The following TOP2B variants were observed in gnomAD, a reference collection of about 807,000 sequenced individuals.
TOP2B encodes the protein DNA topoisomerase II beta, also known as DNA topoisomerase 2-beta.
Under a neutral mutation model 193.5 loss-of-function variants are expected in TOP2B, and 51 were observed. That is an observed-to-expected ratio of 0.26 (90% confidence interval 0.21 to 0.33). The LOEUF (loss-of-function observed/expected upper bound fraction) is 0.33, where lower values mean the gene tolerates loss of function less well. Among genes scored for constraint, TOP2B ranks in the 10% least tolerant of loss-of-function variants. TOP2B has a pLI of 1.00. For synonymous variants in TOP2B, 634 were observed against 635.7 expected, an observed-to-expected ratio of 1.00 and a Z score of 0.04; for missense variants, 1,378 against 1,909.3, an observed-to-expected ratio of 0.72 and a Z score of 5.19.
intron 7 of TOP2B, 129 bp downstream of exon 7, chr3:25,635,807 C>G: frequency 1.5e-6 from 1 of 668,964 alleles, no homozygotes; most frequent in South Asian, 2.4e-5. Context: ...TATCAATAAT[C>G]ACTTTAAATG....
At chr3:25,626,285 A>T (rs999914016) in intron 18 of TOP2B, among the ~76,000 whole-genome samples, 3 of 152,146 alleles carry the variant, frequency 2.0e-5, no homozygotes, top group African/African-American at 7.2e-5. Context: ...TCTGCAGACA[A>T]CTTGGGCAAA....
chr3:25,610,341 C>T (rs1702337085), intron 28 of TOP2B, among the ~76,000 whole-genome samples: 1 of 151,968 alleles, frequency 6.6e-6, no homozygotes, highest in African/African-American at 2.4e-5. Flanking sequence ...CATTACAATA[C>T]AAATAACAAA....
chr3:25,656,639 T>C (rs917976519), intron 1 of TOP2B, among the ~76,000 whole-genome samples: 1 of 152,156 alleles, frequency 6.6e-6, no homozygotes, highest in Non-Finnish European at 1.5e-5. Context: ...TTTATCAAAA[T>C]GGCACTGTTT....
chr3:25,664,309 C>T lies in TOP2B; in HGVS notation c.-12G>A. The T allele has an allele frequency of 5.9e-6, 9 of 1,525,884 alleles. No homozygotes were observed. Among genetic ancestry groups the T allele is most frequent in the Non-Finnish European group, 7.9e-6 (9 of 1,142,240 alleles). 94.5% of individuals were successfully genotyped at this position (1,525,884 alleles called of 1,614,324 possible). A position where few individuals can be genotyped will look rare whatever the true frequency, so the allele number is the denominator to read the frequency against. Reference sequence around the variant, plus strand: ...CCCGACTTGGCCATGGCGAGTGCCTCCAGCTCACAGGCCCTGAGGCCGCAG... The same window carrying T: ...CCCGACTTGGCCATGGCGAGTGCCTTCAGCTCACAGGCCCTGAGGCCGCAG... On this transcript the variant is annotated 5_prime_UTR_variant, in exon 1 of 36. Transcript: ENST00000264331.
intron 1 of TOP2B, among the ~76,000 whole-genome samples, chr3:25,646,884 A>T (rs1168135055): frequency 9.9e-5 from 15 of 152,200 alleles, no homozygotes; most frequent in Non-Finnish European, 1.2e-4. Flanking sequence ...CAATGCAGTA[A>T]GTTTTATATA....
intron 2 of TOP2B, among the ~76,000 whole-genome samples, chr3:25,643,998 TATAA>T (rs1286478929): frequency 1.1e-4 from 16 of 152,298 alleles, no homozygotes; most frequent in Admixed American, 9.1e-4. Context: ...TTTGTATTAT[TATAA>T]AGTCAGTTTT....
At chr3:25,622,772 C>T (rs1440792127) in intron 21 of TOP2B, among the ~76,000 whole-genome samples, 4 of 151,982 alleles carry the variant, frequency 2.6e-5, no homozygotes, top group African/African-American at 9.7e-5. Context: ...TCCCAAGTAG[C>T]TGGGATTACA....
At chr3:25,662,529 T>C (rs1180999608) in intron 1 of TOP2B, among the ~76,000 whole-genome samples, 1 of 152,238 alleles carries the variant, frequency 6.6e-6, no homozygotes, top group Admixed American at 6.5e-5. Flanking sequence ...ATATTTTCCA[T>C]AATCTGCTTT....
At chr3:25,634,994 T>A (rs1486842069) in intron 7 of TOP2B, among the ~76,000 whole-genome samples, 1 of 151,966 alleles carries the variant, frequency 6.6e-6, no homozygotes, top group Non-Finnish European at 1.5e-5. Flanking sequence ...TGGGATGTAA[T>A]GAGACATTAG....
chr3:25,626,334 C>T (rs1227221276), intron 18 of TOP2B, among the ~76,000 whole-genome samples: 2 of 151,726 alleles, frequency 1.3e-5, no homozygotes, highest in African/African-American at 2.4e-5. Flanking sequence ...CTGAAAAACT[C>T]GGAAAAGGTT....
At chr3:25,634,799 C>CAAA (rs1224120357) in intron 7 of TOP2B, among the ~76,000 whole-genome samples, 2,806 of 95,374 alleles carry the variant, frequency 0.029, 189 homozygotes, top group Non-Finnish European at 0.041. Context: ...AAAAAAAAAC[C>CAAA]AAAAAAAGGC....
chr3:25,598,250 GAAGACAA>G lies in TOP2B; in HGVS notation c.*50_*56del. On this transcript the variant is annotated 3_prime_UTR_variant, in exon 36 of 36. Coordinates refer to ENST00000264331, the MANE Select transcript of TOP2B (RefSeq NM_001330700.2). ...CAGATGTACAAAAGTCTGAGACAGAGAAGACAAAAGGACAACACAAGATATTTGTTGA... is the reference window on the plus strand; with the variant it reads ...CAGATGTACAAAAGTCTGAGACAGAGAAGGACAACACAAGATATTTGTTGA... 1 of 1,511,126 alleles carries G rather than the reference GAAGACAA, an allele frequency of 6.6e-7. No individual in the cohort carries two copies. Among genetic ancestry groups the G allele is most frequent in the Non-Finnish European group, 8.9e-7 (1 of 1,118,676 alleles). 93.6% of individuals were successfully genotyped at this position (1,511,126 alleles called of 1,614,324 possible).
chr3:25,613,956 T>C (rs1702443195), intron 27 of TOP2B, among the ~76,000 whole-genome samples: 1 of 152,194 alleles, frequency 6.6e-6, no homozygotes, highest in African/African-American at 2.4e-5. Context: ...GAAGTTGTGG[T>C]GAGGGTCACT....
In TOP2B at chr3:25,645,390, A is replaced by T; in HGVS notation, c.150T>A (p.Ser50=). 1 of 1,613,850 alleles carries T rather than the reference A, an allele frequency of 6.2e-7. No homozygotes were observed. The highest frequency in any genetic ancestry group is 8.5e-7 in the Non-Finnish European group (1 of 1,179,802). The stretch of plus-strand genomic sequence containing the variant: ...TCTTCTTCTGATACACTCTCTCAAC[A>T]GACAACTTCTTTGAAGAATCATTTT... The part of the protein sequence containing the change: ...ANKNDSSKKL[S]VERVYQKKTQ... Residue 50 remains serine (S), a synonymous_variant, in exon 2 of 36, where the codon TCT becomes TCA. Transcript: ENST00000264331.
At chr3:25,651,358 T>C (rs1167408306) in intron 1 of TOP2B, among the ~76,000 whole-genome samples, 1 of 151,458 alleles carries the variant, frequency 6.6e-6, no homozygotes, top group East Asian at 1.9e-4. Flanking sequence ...CACCTGAAGA[T>C]ATGTTATGTA....
chr3:25,656,741 T>C (rs1703756381), intron 1 of TOP2B, among the ~76,000 whole-genome samples: 1 of 152,140 alleles, frequency 6.6e-6, no homozygotes. Context: ...GGAAAAAATG[T>C]GAAATATGCC....
intron 16 of TOP2B, 76 bp from the exon 17 acceptor site, chr3:25,626,940 G>T: frequency 2.3e-6 from 2 of 873,420 alleles, no homozygotes; most frequent in Non-Finnish European, 1.7e-6. Flanking sequence ...TGTATAAGTG[G>T]CCAATAACTA....
At chr3:25,626,499 G>T in intron 18 of TOP2B, 61 bp downstream of exon 18, 1 of 934,088 alleles carries the variant, frequency 1.1e-6, no homozygotes, top group Non-Finnish European at 1.6e-6. Context: ...ATGGCTTAAA[G>T]TACATGAAAT....
intron 23 of TOP2B, 89 bp downstream of exon 23, chr3:25,619,773 T>A: frequency 7.2e-6 from 6 of 838,348 alleles, no homozygotes; most frequent in Non-Finnish European, 1.1e-5. Context: ...TCAGGCTTAC[T>A]ATAGCCACTC....
Sources: allele counts gnomAD v4.1 joint callset (sites outside exome capture counted in the v4.1 genomes callset), GRCh38; gene constraint gnomAD v4.1.1; transcripts MANE v1.5; gene names NCBI Gene and HGNC (gene_info 2026-07-23, HGNC 2026-07-21).